COG5: variants seen among roughly 807,000 people sequenced by gnomAD.
The protein encoded by COG5 is conserved oligomeric Golgi complex subunit 5.
In COG5, 86 loss-of-function variants were observed where a neutral mutation model predicts 110.4. The ratio of observed to expected loss-of-function variants is 0.78; its 90% CI spans 0.65 to 0.93. The LOEUF is 0.93. COG5 is among the 40% of genes least tolerant of loss of function. The pLI, the probability that COG5 is intolerant of heterozygous loss-of-function variation, is 0.00. For synonymous variants in COG5, 360 were observed against 334.6 expected, an observed-to-expected ratio of 1.08 and a Z score of -0.83; for missense variants, 1,077 against 987.0, an observed-to-expected ratio of 1.09 and a Z score of -1.22.
chr7:107,518,810 T>C (rs1800127314), intron 6 of COG5, among the ~76,000 whole-genome samples: 2 of 152,228 alleles, frequency 1.3e-5, no homozygotes, highest in South Asian at 4.1e-4. Flanking sequence ...CAAGTGGACC[T>C]AACAGCCATC....
intron 17 of COG5, among the ~76,000 whole-genome samples, chr7:107,246,888 T>C (rs1386410026): frequency 2.0e-5 from 3 of 152,194 alleles, no homozygotes; most frequent in Non-Finnish European, 2.9e-5. Context: ...CAGAGGAATA[T>C]AAATCATTCT....
chr7:107,548,852 A>T (rs963100932), intron 3 of COG5, among the ~76,000 whole-genome samples: 1 of 152,180 alleles, frequency 6.6e-6, no homozygotes, highest in Non-Finnish European at 1.5e-5. Flanking sequence ...AAATTGGAAA[A>T]ATATTTCCAG....
intron 14 of COG5, among the ~76,000 whole-genome samples, chr7:107,265,131 C>A (rs1352694811): frequency 1.3e-5 from 2 of 152,104 alleles, no homozygotes; most frequent in African/African-American, 2.4e-5. Flanking sequence ...TAAAAGGATG[C>A]AATCTCTATC....
intron 12 of COG5, among the ~76,000 whole-genome samples, chr7:107,290,386 TAAATTA>T (rs1226182313): frequency 1.3e-5 from 2 of 152,234 alleles, no homozygotes; most frequent in Non-Finnish European, 2.9e-5. Context: ...AATAAACCTC[TAAATTA>T]ATAGAGACCT....
chr7:107,346,628 C>A (rs1811628795), intron 10 of COG5, among the ~76,000 whole-genome samples: 2 of 152,148 alleles, frequency 1.3e-5, no homozygotes. Flanking sequence ...TTCACACTTT[C>A]ATCTAACTTC....
chr7:107,407,960 G>T (rs1791983144), intron 7 of COG5, among the ~76,000 whole-genome samples: 1 of 152,082 alleles, frequency 6.6e-6, no homozygotes, highest in Non-Finnish European at 1.5e-5. Context: ...GTAGCAAACG[G>T]ACATGACTAG....
rs151304641 is a variant in COG5, at chr7:107,316,234, G to C, written c.1108+8206C>G. Reference sequence around the variant, plus strand: ...TGGGAGCAACATGAATAGGTTTATAGCTGAGGAAAAGAAATTAAAAGAGAA... The same window carrying C: ...TGGGAGCAACATGAATAGGTTTATACCTGAGGAAAAGAAATTAAAAGAGAA... On this transcript the variant is annotated intron_variant, in intron 11 of 21. Transcript: ENST00000297135. Among the ~76,000 whole-genome samples, 827 of 152,192 alleles carry C rather than the reference G, an allele frequency of 5.4e-3. 10 individuals are homozygous for C. The highest frequency in any genetic ancestry group is 0.019 in the African/African-American group (805 of 41,540).
At chr7:107,398,253 G>C (rs1380180614) in intron 7 of COG5, among the ~76,000 whole-genome samples, 1 of 152,168 alleles carries the variant, frequency 6.6e-6, no homozygotes, top group Admixed American at 6.5e-5. Flanking sequence ...TATATCCATA[G>C]AACTGAATAT....
chr7:107,486,602 G>T (rs998031353), intron 6 of COG5, among the ~76,000 whole-genome samples: 10 of 151,968 alleles, frequency 6.6e-5, no homozygotes, highest in Non-Finnish European at 1.2e-4. Flanking sequence ...AAAAAATCTA[G>T]CTGTAAATAG....
chr7:107,230,712 C>T (rs768494467), intron 18 of COG5, 21 bp from the exon 19 acceptor site: 1 of 1,549,036 alleles, frequency 6.5e-7, no homozygotes, highest in Non-Finnish European at 8.9e-7. Flanking sequence ...AAAATATACT[C>T]CATTGTTGTA....
rs1811303357 is a variant in COG5 at position 107,343,044 on chromosome 7, G to A, written c.1027-18523C>T. On this transcript the variant is annotated intron_variant, in intron 10 of 21. Transcript: ENST00000297135. ...ATGGAATACTACACAGCCAAACAAA[G>A]AATGAAACAATGTCTTTTTACAGCA... 2.0e-5 allele frequency among the ~76,000 whole-genome samples: 3 copies of A among 152,098 alleles called. No individual in the cohort carries two copies. In the South Asian group the frequency reaches 6.2e-4, roughly 32 times the overall value.
chr7:107,208,905 G>A, intron 21 of COG5: 2 of 985,408 alleles, frequency 2.0e-6, no homozygotes, highest in Non-Finnish European at 2.4e-6. Context: ...ACTGAAATAT[G>A]ACCCACTATG....
intron 6 of COG5, among the ~76,000 whole-genome samples, chr7:107,445,470 A>G (rs111629789): frequency 2.6e-5 from 4 of 152,334 alleles, no homozygotes; most frequent in African/African-American, 9.6e-5. Context: ...ACAAACTGAA[A>G]GCAATTCTTC....
chr7:107,507,692 C>T (rs1323865305), intron 6 of COG5, among the ~76,000 whole-genome samples: 1 of 151,836 alleles, frequency 6.6e-6, no homozygotes, highest in East Asian at 1.9e-4. Flanking sequence ...TTAATGGGTC[C>T]CTATTGTATG....
chr7:107,230,652 C>T lies in COG5; in HGVS notation c.2131G>A (p.Asp711Asn). Residue 711 changes from aspartate to asparagine, a missense_variant, in exon 19 of 22, where the codon GAT becomes AAT. Physicochemically the swap from Asp to Asn is conservative, Grantham distance 23. Transcript: ENST00000297135. ...AGCATCCGATAGGACTTTCCTAAATCAGATACTCGTCTACAGAATGGACCC... is the reference window on the plus strand; with the variant it reads ...AGCATCCGATAGGACTTTCCTAAATTAGATACTCGTCTACAGAATGGACCC... ...AVGPFCRRVS[D>N]LGKSYRMLRS... is the part of the protein sequence containing the mutation. The T allele has an allele frequency of 6.2e-7, 1 of 1,613,504 alleles. No homozygotes were observed. Among genetic ancestry groups the T allele is most frequent in the Non-Finnish European group, 8.5e-7 (1 of 1,179,490 alleles).
intron 7 of COG5, among the ~76,000 whole-genome samples, chr7:107,385,847 G>A (rs1216195406): frequency 6.7e-6 from 1 of 149,336 alleles, no homozygotes; most frequent in African/African-American, 2.5e-5. Context: ...ATGGGTGGAG[G>A]TAATATCCCA....
In COG5 at chr7:107,407,524, T is replaced by C. The variant is rs935694273; in HGVS notation, c.669+4978A>G. On this transcript the variant is annotated intron_variant, in intron 7 of 21. Coordinates refer to ENST00000297135, the MANE Select transcript of COG5 (RefSeq NM_006348.5). ...ATATAGTACTAGGTCTTAATGAACG[T>C]CAATCCAGTGAGTACATCAAAACAT... Among the ~76,000 whole-genome samples, 5 of 151,732 alleles carry C rather than the reference T, an allele frequency of 3.3e-5. No individual in the cohort carries two copies. In the South Asian group the frequency reaches 1.0e-3, roughly 32 times the overall value.
chr7:107,220,525 T>G (rs1799840215), intron 19 of COG5, among the ~76,000 whole-genome samples: 1 of 152,218 alleles, frequency 6.6e-6, no homozygotes. Flanking sequence ...CTGCTCTCCA[T>G]AGACTGGTTA....
At chr7:107,350,452 T>C (rs1264592959) in intron 10 of COG5, among the ~76,000 whole-genome samples, 6 of 152,220 alleles carry the variant, frequency 3.9e-5, no homozygotes, top group African/African-American at 1.4e-4. Context: ...TTTTATTCCA[T>C]ATTTTAAAGT....
Sources: gnomAD v4.1 joint callset for allele counts (sites outside exome capture counted in the v4.1 genomes callset) on GRCh38, gnomAD v4.1.1 for gene constraint, MANE v1.5 for transcripts, NCBI Gene and HGNC (gene_info 2026-07-23, HGNC 2026-07-21) for gene names.